Variants in DHX35 observed in about 807,000 individuals in gnomAD.
DHX35 encodes DEAH-box helicase 35.
A neutral mutation model predicts 99.6 loss-of-function variants in DHX35; 84 were observed. The ratio of observed to expected loss-of-function variants is 0.84; its 90% CI spans 0.71 to 1.01. The LOEUF is 1.01. Among genes scored for constraint, DHX35 ranks in the 50% least tolerant of loss-of-function variants. The probability of loss-of-function intolerance (pLI) is 0.00; values close to 1 mark genes in which losing one functional copy is unlikely to be tolerated. For missense variants in DHX35, 852 were observed against 888.5 expected (o/e 0.96, Z 0.52); for synonymous variants, 331 against 316.2 (o/e 1.05, Z -0.50).
intron 7 of DHX35, among the ~76,000 whole-genome samples, chr20:38,993,233 GC>G (rs1268767033): frequency 1.3e-5 from 2 of 152,214 alleles, no homozygotes; most frequent in African/African-American, 4.8e-5. Context: ...CTATATCTGT[GC>G]TGGTATACTT....
intron 19 of DHX35, 28 bp downstream of exon 19, chr20:39,028,527 G>T (rs973237297): frequency 6.2e-7 from 1 of 1,609,300 alleles, no homozygotes. Context: ...GAAGTCATTT[G>T]TTAAAGGAAC....
At chr20:38,962,543 G>T in intron 1 of DHX35, 136 bp downstream of exon 1, 1 of 1,092,808 alleles carries the variant, frequency 9.2e-7, no homozygotes, top group South Asian at 1.5e-5. Context: ...CTCTGTGCGG[G>T]GGGAGCTCTG....
chr20:39,012,798 T>G (rs749384557), intron 13 of DHX35, among the ~76,000 whole-genome samples: 3 of 152,212 alleles, frequency 2.0e-5, no homozygotes, highest in Non-Finnish European at 4.4e-5. Flanking sequence ...CCCAAAGTGC[T>G]GGGATTACAG....
At chr20:38,977,933 CATT>C (rs1265130646) in intron 3 of DHX35, 1 of 605,406 alleles carries the variant, frequency 1.7e-6, no homozygotes, top group Non-Finnish European at 3.1e-6. Flanking sequence ...AAATCATCAT[CATT>C]AGCAGCAGCA....
rs537815781 is a variant in DHX35 at position 39,032,977 on chromosome 20, C to T, written c.1956-1229C>T. On this transcript the variant is annotated intron_variant, in intron 20 of 21. Transcript: ENST00000252011. ...TGCAGGATAATTTGAAGAGTGCCCA[C>T]GCCTGTCATCTCAGCACTTTTGAGA... Among the ~76,000 whole-genome samples the T allele has an allele frequency of 2.1e-4, 32 of 152,232 alleles. No homozygotes were observed. In the South Asian group the frequency reaches 5.4e-3, roughly 26 times the overall value.
chr20:39,018,437 G>A (rs1285588435), intron 14 of DHX35, among the ~76,000 whole-genome samples: 3 of 152,022 alleles, frequency 2.0e-5, no homozygotes, highest in African/African-American at 7.2e-5. Flanking sequence ...GTGCTACCCA[G>A]TTGTTAGGTT....
chr20:38,964,963 G>C (rs1352632569), intron 1 of DHX35, among the ~76,000 whole-genome samples: 3 of 152,188 alleles, frequency 2.0e-5, no homozygotes, highest in Admixed American at 6.5e-5. Context: ...TTTCTGGGCT[G>C]GGTGACTGTC....
chr20:39,024,324 G>C (rs1001078322), intron 17 of DHX35, among the ~76,000 whole-genome samples: 1 of 152,178 alleles, frequency 6.6e-6, no homozygotes, highest in East Asian at 1.9e-4. Context: ...TGTTAATAAA[G>C]GTGATGAAAA....
rs139924446 is a variant in DHX35, at chr20:39,023,775, C to G, written c.1671+8C>G. The G allele has an allele frequency of 2.8e-4, 449 of 1,612,714 alleles. No homozygotes were observed. The highest frequency in any genetic ancestry group is 3.6e-4 in the Non-Finnish European group (430 of 1,178,842). On this transcript the variant is annotated splice_region_variant and intron_variant, in intron 17 of 21. Transcript: ENST00000252011. The stretch of plus-strand genomic sequence containing the variant: ...TATGAAGCATTTATCAAAGTAAGCA[C>G]AACTACTGCTCGAAGTGCCGCCTCA...
chr20:39,004,070 CT>C (rs995819364), intron 11 of DHX35, among the ~76,000 whole-genome samples, 163 bp downstream of exon 11: 11 of 149,044 alleles, frequency 7.4e-5, no homozygotes, highest in African/African-American at 1.2e-4. Flanking sequence ...GTGAAGATTT[CT>C]TTTTTTTTTG....
rs776015689 is a variant in DHX35 at position 38,972,651 on chromosome 20, G to GGT, written c.267+2_267+3dup. 3 of 1,604,094 alleles carry GGT rather than the reference G, an allele frequency of 1.9e-6. No homozygotes were observed. The African/African-American group carries it at 4.0e-5, about 21-fold the overall frequency. On this transcript the variant is annotated frameshift_variant and splice_region_variant. Transcript: ENST00000252011. LOFTEE classifies it high-confidence loss of function. ...GTGGGAAGAGCACACAGATTCCTCA[G>GGT]GTGAGTACATATTTAATAAGTGTCT... is the stretch of plus-strand genomic sequence containing the variant.
chr20:39,034,382 CT>C (rs1239929598), intron 21 of DHX35, 65 bp downstream of exon 21: 5 of 1,380,590 alleles, frequency 3.6e-6, no homozygotes, highest in Admixed American at 1.7e-5. Flanking sequence ...TTTAAATGTA[CT>C]TTTTTTCTCC....
At chr20:39,010,474 C>T (rs939112566) in intron 13 of DHX35, 70 bp downstream of exon 13, 53 of 1,577,078 alleles carry the variant, frequency 3.4e-5, no homozygotes, top group Non-Finnish European at 4.0e-5. Flanking sequence ...AGGACATTGT[C>T]GTAGGGCATG....
intron 12 of DHX35, among the ~76,000 whole-genome samples, chr20:39,007,705 G>C (rs2086641309): frequency 6.6e-6 from 1 of 152,134 alleles, no homozygotes; most frequent in Admixed American, 6.5e-5. Context: ...ACAAGTACTT[G>C]CAGGGAAGGA....
At chr20:39,020,528 G>C (rs181580183) in intron 15 of DHX35, among the ~76,000 whole-genome samples, 2 of 152,072 alleles carry the variant, frequency 1.3e-5, no homozygotes, top group African/African-American at 4.8e-5. Flanking sequence ...ATTTTTTCTT[G>C]GTTTTGTCTA....
intron 4 of DHX35, among the ~76,000 whole-genome samples, chr20:38,988,128 G>A (rs1269174097): frequency 6.6e-6 from 1 of 151,850 alleles, no homozygotes; most frequent in Non-Finnish European, 1.5e-5. Flanking sequence ...TTTTGCTTTG[G>A]CCACCAAATT....
At chr20:39,029,163 C>G (rs1313687354) in intron 19 of DHX35, 1 of 152,144 alleles carries the variant, frequency 6.6e-6, no homozygotes, top group Non-Finnish European at 1.5e-5. Flanking sequence ...TCTTTTCTGT[C>G]TTTGGCTCAT....
At chr20:39,015,385 A>G (rs1397149469) in intron 14 of DHX35, among the ~76,000 whole-genome samples, 1 of 152,190 alleles carries the variant, frequency 6.6e-6, no homozygotes, top group East Asian at 1.9e-4. Flanking sequence ...ACACCATGTT[A>G]CGGGGGAACT....
intron 8 of DHX35, among the ~76,000 whole-genome samples, chr20:38,999,280 C>T (rs962103962): frequency 6.6e-6 from 1 of 152,014 alleles, no homozygotes; most frequent in Non-Finnish European, 1.5e-5. Context: ...CCTTCCATAG[C>T]TCCTGGAGCC....
Sources: gnomAD v4.1 joint callset for allele counts (sites outside exome capture counted in the v4.1 genomes callset) on GRCh38, gnomAD v4.1.1 for gene constraint, MANE v1.5 for transcripts, NCBI Gene and HGNC (gene_info 2026-07-23, HGNC 2026-07-21) for gene names.